BICD1: variants seen among roughly 807,000 people sequenced by gnomAD.
BICD1 encodes protein bicaudal D homolog 1.
In BICD1, 35 loss-of-function variants were observed where a neutral mutation model predicts 92.5. The ratio of observed to expected loss-of-function variants is 0.38; its 90% CI spans 0.29 to 0.50. The LOEUF (loss-of-function observed/expected upper bound fraction) is 0.50, where lower values mean the gene tolerates loss of function less well. Ranked by LOEUF, BICD1 falls within the 20% of genes least tolerant of loss-of-function variation. BICD1 has a pLI of 0.93. For missense variants in BICD1, 950 were observed against 1,189.8 expected (o/e 0.80, Z 2.97); for synonymous variants, 429 against 465.1 (o/e 0.92, Z 1.00).
chr12:32,225,649 G>GTTT (rs1945666120), intron 2 of BICD1, among the ~76,000 whole-genome samples: 2 of 28,394 alleles, frequency 7.0e-5, no homozygotes, highest in African/African-American at 1.8e-4. Flanking sequence ...TTTAGACGGA[G>GTTT]TTTTGCTCTT....
At chr12:32,132,089 A>C (rs1942564385) in intron 1 of BICD1, among the ~76,000 whole-genome samples, 1 of 152,146 alleles carries the variant, frequency 6.6e-6, no homozygotes, top group African/African-American at 2.4e-5. Context: ...AAAATATTTC[A>C]GTTCCTGGGT....
chr12:32,200,494 C>T (rs935714552), intron 1 of BICD1, among the ~76,000 whole-genome samples: 1 of 152,144 alleles, frequency 6.6e-6, no homozygotes, highest in South Asian at 2.1e-4. Flanking sequence ...TTAACAAGCT[C>T]ATCGTTTCTG....
intron 8 of BICD1, among the ~76,000 whole-genome samples, chr12:32,350,924 A>T (rs1219342245): frequency 1.3e-5 from 2 of 152,162 alleles, no homozygotes; most frequent in Non-Finnish European, 1.5e-5. Flanking sequence ...CCACAAATTT[A>T]AAGTTTTTTG....
At chr12:32,368,112 C>T (rs757497193) in intron 9 of BICD1, 54 of 196,064 alleles carry the variant, frequency 2.8e-4, no homozygotes, top group Non-Finnish European at 5.4e-4. Context: ...TATTTATTTT[C>T]CTGGGGAATC....
intron 9 of BICD1, among the ~76,000 whole-genome samples, chr12:32,373,723 A>C (rs2136340592): frequency 6.7e-6 from 1 of 148,218 alleles, no homozygotes; most frequent in East Asian, 2.0e-4. Flanking sequence ...AAAAAAAAAT[A>C]CAAAAAATTA....
At chr12:32,253,788 T>G (rs1271898912) in intron 2 of BICD1, among the ~76,000 whole-genome samples, 1 of 152,182 alleles carries the variant, frequency 6.6e-6, no homozygotes, top group Non-Finnish European at 1.5e-5. Flanking sequence ...TCACCTGTCA[T>G]ATTCACTGCC....
At chr12:32,294,230 A>G in intron 3 of BICD1, 84 bp downstream of exon 3, 1 of 1,287,360 alleles carries the variant, frequency 7.8e-7, no homozygotes, top group Non-Finnish European at 1.1e-6. Context: ...ACTTGTCAGA[A>G]TTTATTGTTA....
At chr12:32,131,833 G>C (rs1017649507) in intron 1 of BICD1, among the ~76,000 whole-genome samples, 1 of 152,198 alleles carries the variant, frequency 6.6e-6, no homozygotes, top group Admixed American at 6.5e-5. Flanking sequence ...CCCTCAGCGG[G>C]TTGACACACT....
chr12:32,138,266 A>G (rs192831399), intron 1 of BICD1, among the ~76,000 whole-genome samples: 1 of 152,338 alleles, frequency 6.6e-6, no homozygotes, highest in East Asian at 1.9e-4. Flanking sequence ...AGCACAGATA[A>G]ATTAATTTGT....
intron 2 of BICD1, among the ~76,000 whole-genome samples, chr12:32,244,732 G>C (rs1350985192): frequency 1.3e-5 from 2 of 151,128 alleles, no homozygotes; most frequent in Admixed American, 1.3e-4. Context: ...GGGTTCAAGC[G>C]ATTCTCCTGC....
chr12:32,325,828 G>A (rs903949009), intron 4 of BICD1, among the ~76,000 whole-genome samples: 4 of 151,982 alleles, frequency 2.6e-5, no homozygotes, highest in Non-Finnish European at 5.9e-5. Flanking sequence ...TAATCTTTGG[G>A]AGTGTAATCT....
Position 32,107,363 on chromosome 12 carries a change from A to G in BICD1, c.32A>G (p.Asp11Gly), listed in dbSNP as rs764284872. 1 of 1,609,308 alleles carries G rather than the reference A, an allele frequency of 6.2e-7. No individual in the cohort carries two copies. Among genetic ancestry groups the G allele is most frequent in the East Asian group, 2.2e-5 (1 of 44,760 alleles). Residue 11 changes from aspartate to glycine, a missense_variant, in exon 1 of 10, where the codon GAC (aspartate) becomes GGC (glycine). Transcript: ENST00000652176. MAAEEVLQTV[D>G]HYKTEIERLT... The stretch of plus-strand genomic sequence containing the variant: ...GCAGAAGAGGTATTGCAGACGGTGG[A>G]CCATTATAAGACTGAGATAGAGAGG...
rs77498375 is a variant in BICD1 at position 32,148,354 on chromosome 12, G to A, written c.213+40810G>A. ...TCCATGTTCCCCGCAACAGGCACCC[G>A]GTAAACTGGCTTTCTGGAGAGTCTG... On this transcript the variant is annotated intron_variant, in intron 1 of 9. Coordinates refer to ENST00000652176, the MANE Select transcript of BICD1 (RefSeq NM_001714.4). 7.2e-3 allele frequency among the ~76,000 whole-genome samples: 1,100 copies of A among 152,160 alleles called. 14 individuals carry two copies. Among genetic ancestry groups the A allele is most frequent in the African/African-American group, 0.025 (1,023 of 41,518 alleles).
intron 1 of BICD1, among the ~76,000 whole-genome samples, chr12:32,152,882 C>T (rs1438011425): frequency 6.6e-6 from 1 of 152,200 alleles, no homozygotes; most frequent in African/African-American, 2.4e-5. Flanking sequence ...TGTTCAGTTA[C>T]ATTCCAGAAG....
intron 8 of BICD1, among the ~76,000 whole-genome samples, chr12:32,342,182 GTATATATATA>G (rs200952681): frequency 9.0e-6 from 1 of 110,810 alleles, no homozygotes; most frequent in Admixed American, 9.4e-5. Flanking sequence ...ATATATGTGT[GTATATATATA>G]TGTGTGTGTG....
chr12:32,209,111 G>A (rs989473825), intron 1 of BICD1, among the ~76,000 whole-genome samples: 3 of 152,056 alleles, frequency 2.0e-5, no homozygotes, highest in African/African-American at 2.4e-5. Context: ...GTGAGCCACC[G>A]CGCCCAGTCT....
chr12:32,233,077 G>C (rs1392312781), intron 2 of BICD1, among the ~76,000 whole-genome samples: 8 of 152,060 alleles, frequency 5.3e-5, no homozygotes, highest in Non-Finnish European at 7.4e-5. Flanking sequence ...AAGTAATCTT[G>C]CTGGGAGGCC....
intron 1 of BICD1, among the ~76,000 whole-genome samples, chr12:32,185,859 C>T (rs1432396323): frequency 6.6e-6 from 1 of 152,206 alleles, no homozygotes; most frequent in East Asian, 1.9e-4. Context: ...CTGTGCTCAC[C>T]ACGCCATTTC....
At chr12:32,156,810 C>T (rs1943451911) in intron 1 of BICD1, among the ~76,000 whole-genome samples, 1 of 152,222 alleles carries the variant, frequency 6.6e-6, no homozygotes, top group African/African-American at 2.4e-5. Context: ...ATCCTAGAAG[C>T]AGGCAAAGCT....
Sources: allele counts gnomAD v4.1 joint callset (sites outside exome capture counted in the v4.1 genomes callset), GRCh38; gene constraint gnomAD v4.1.1; transcripts MANE v1.5; gene names NCBI Gene and HGNC (gene_info 2026-07-23, HGNC 2026-07-21).